TENM3: variants seen among roughly 807,000 people sequenced by gnomAD.
The protein encoded by TENM3 is teneurin-3.
A neutral mutation model predicts 255.1 loss-of-function variants in TENM3; 63 were observed. The ratio of observed to expected loss-of-function variants is 0.25; its 90% CI spans 0.20 to 0.30. The LOEUF (loss-of-function observed/expected upper bound fraction) is 0.30. Ranked by LOEUF, TENM3 falls within the 10% of genes least tolerant of loss-of-function variation. The pLI is 1.00. For synonymous variants in TENM3, 1,306 were observed against 1,322.3 expected, an observed-to-expected ratio of 0.99 and a Z score of 0.27; for missense variants, 2,929 against 3,461.1, an observed-to-expected ratio of 0.85 and a Z score of 3.86.
chr4:182,459,868 A>G (rs1379935220), intron 3 of TENM3, among the ~76,000 whole-genome samples: 1 of 152,222 alleles, frequency 6.6e-6, no homozygotes, highest in East Asian at 1.9e-4. Flanking sequence ...CAGTTGAGGC[A>G]GAATGAATAG....
the TENM3 span, among the ~76,000 whole-genome samples, chr4:182,038,815 C>A: frequency 1.3e-5 from 2 of 152,126 alleles, no homozygotes; most frequent in African/African-American, 4.8e-5. Flanking sequence ...CTCACTGCAA[C>A]CTCTGCCTCT....
intron 3 of TENM3, among the ~76,000 whole-genome samples, chr4:182,359,772 T>C (rs1765830411): frequency 6.6e-6 from 1 of 152,236 alleles, no homozygotes; most frequent in African/African-American, 2.4e-5. Flanking sequence ...CTTTTGAATG[T>C]GTTTGGCTCT....
the TENM3 span, among the ~76,000 whole-genome samples, chr4:181,605,530 GAAAGAAAGAA>G: frequency 5.0e-5 from 1 of 19,950 alleles, no homozygotes; most frequent in African/African-American, 1.1e-4. Flanking sequence ...AAGAAAGAAA[GAAAGAAAGAA>G]AGAAAGAAAG....
chr4:182,297,194 T>C (rs374223338), intron 1 of TENM3, among the ~76,000 whole-genome samples: 10 of 152,196 alleles, frequency 6.6e-5, no homozygotes, highest in East Asian at 5.8e-4. Flanking sequence ...ATTCCCATCA[T>C]ATAACTGGGG....
At chr4:182,398,645 CAG>C (rs1315216189) in intron 3 of TENM3, among the ~76,000 whole-genome samples, 1 of 152,088 alleles carries the variant, frequency 6.6e-6, no homozygotes, top group African/African-American at 2.4e-5. Flanking sequence ...TGACTTGAAA[CAG>C]GGGTGTTACA....
intron 3 of TENM3, among the ~76,000 whole-genome samples, chr4:182,570,727 G>A (rs1357295648): frequency 1.3e-5 from 2 of 152,134 alleles, no homozygotes; most frequent in African/African-American, 2.4e-5. Flanking sequence ...CAGCTACTTG[G>A]GAGGCTGAGG....
At chr4:181,994,344 C>A in the TENM3 span, among the ~76,000 whole-genome samples, 2 of 151,972 alleles carry the variant, frequency 1.3e-5, no homozygotes, top group Admixed American at 6.6e-5. Flanking sequence ...GATGGAGATA[C>A]AATAAGGATG....
At chr4:182,590,165 T>C (rs995863953) in intron 3 of TENM3, among the ~76,000 whole-genome samples, 5 of 152,110 alleles carry the variant, frequency 3.3e-5, no homozygotes, top group African/African-American at 4.8e-5. Flanking sequence ...AAAATTTTCC[T>C]ATCAGGAAAA....
In TENM3 at chr4:182,273,169, C is replaced by T. The variant is rs1350662662; in HGVS notation, c.-76+29693C>T. On this transcript the variant is annotated intron_variant, in intron 1 of 27. Coordinates refer to ENST00000511685, the MANE Select transcript of TENM3 (RefSeq NM_001080477.4). ...AACAAAATAACTAACACTGTTTGAA[C>T]ACAGGTTAGGTGCTGGGCACTATGC... Among the ~76,000 whole-genome samples, 11 of 152,338 alleles carry T rather than the reference C, an allele frequency of 7.2e-5. No homozygotes were observed. The East Asian group carries it at 2.1e-3, about 29-fold the overall frequency.
chr4:182,606,823 AAG>A (rs1275436428), intron 4 of TENM3, among the ~76,000 whole-genome samples: 13 of 152,330 alleles, frequency 8.5e-5, no homozygotes, highest in African/African-American at 3.1e-4. Flanking sequence ...TAAAATGTGA[AAG>A]AAGGTTCTAG....
intron 3 of TENM3, among the ~76,000 whole-genome samples, chr4:182,435,428 T>C (rs1771970694): frequency 6.6e-6 from 1 of 152,228 alleles, no homozygotes; most frequent in Non-Finnish European, 1.5e-5. Context: ...AAAAAGCGTT[T>C]TGATTCCCAA....
At chr4:182,457,554 A>G (rs529195748) in intron 3 of TENM3, among the ~76,000 whole-genome samples, 73 of 48,126 alleles carry the variant, frequency 1.5e-3, no homozygotes, top group Non-Finnish European at 3.0e-3. Context: ...TAAATCATGT[A>G]TATCTTTTTT....
At chr4:182,044,002 C>A in the TENM3 span, among the ~76,000 whole-genome samples, 1 of 152,120 alleles carries the variant, frequency 6.6e-6, no homozygotes, top group African/African-American at 2.4e-5. Flanking sequence ...ACAAGCAGTT[C>A]GTCTTTAATA....
chr4:182,562,612 GGCTGTCT>G (rs1286790654), intron 3 of TENM3, among the ~76,000 whole-genome samples: 1 of 152,106 alleles, frequency 6.6e-6, no homozygotes, highest in African/African-American at 2.4e-5. Context: ...GCCACTTTGA[GGCTGTCT>G]CAGTTTCATC....
the TENM3 span, among the ~76,000 whole-genome samples, chr4:181,861,580 C>A: frequency 6.6e-6 from 1 of 151,934 alleles, no homozygotes; most frequent in Non-Finnish European, 1.5e-5. Flanking sequence ...CTTTTTCTTT[C>A]TTTTTTCTTT....
At chr4:182,708,220 T>G (rs567050835) in intron 12 of TENM3, among the ~76,000 whole-genome samples, 12 of 152,250 alleles carry the variant, frequency 7.9e-5, no homozygotes, top group Admixed American at 3.9e-4. Flanking sequence ...GAACAGTATT[T>G]GGCACAAAGG....
chr4:182,527,553 T>G (rs939717572), intron 3 of TENM3, among the ~76,000 whole-genome samples: 1 of 152,096 alleles, frequency 6.6e-6, no homozygotes, highest in Non-Finnish European at 1.5e-5. Flanking sequence ...TTTTACCCTG[T>G]GTAAGATGTA....
intron 1 of TENM3, among the ~76,000 whole-genome samples, chr4:182,177,110 C>A (rs1480801574): frequency 6.6e-6 from 1 of 152,092 alleles, no homozygotes; most frequent in South Asian, 2.1e-4. Context: ...TGTAAGCACC[C>A]ACATGGGGAC....
At chr4:182,253,027 T>C (rs966510080) in intron 1 of TENM3, among the ~76,000 whole-genome samples, 1 of 152,280 alleles carries the variant, frequency 6.6e-6, no homozygotes, top group Non-Finnish European at 1.5e-5. Flanking sequence ...AAACTACCTC[T>C]GAAAGGAGAA....
Sources: allele counts gnomAD v4.1 joint callset (sites outside exome capture counted in the v4.1 genomes callset), GRCh38; gene constraint gnomAD v4.1.1; transcripts MANE v1.5; gene names NCBI Gene and HGNC (gene_info 2026-07-23, HGNC 2026-07-21).